The following DIAPH2 variants were observed in gnomAD, a reference collection of about 807,000 sequenced individuals.
The protein encoded by DIAPH2 is diaphanous related formin 2.
Under a neutral mutation model 92.7 loss-of-function variants are expected in DIAPH2, and 35 were observed. The observed-to-expected ratio is 0.38, with a 90% CI of 0.29 to 0.50. The LOEUF is 0.50. Ranked by LOEUF, DIAPH2 falls within the 20% of genes least tolerant of loss-of-function variation. The probability of loss-of-function intolerance (pLI) is 0.94; values close to 1 mark genes in which losing one functional copy is unlikely to be tolerated. For missense variants in DIAPH2, 701 were observed against 819.5 expected (o/e 0.86, Z 1.77); for synonymous variants, 301 against 280.4 (o/e 1.07, Z -0.73).
chrX:97,358,762 G>GA (rs963094848), intron 24 of DIAPH2, among the ~76,000 whole-genome samples: 1 of 109,716 alleles, frequency 9.1e-6, no homozygotes, highest in Non-Finnish European at 1.9e-5. Context: ...ATACCAAAAA[G>GA]AAAAAAAACT....
chrX:97,425,826 A>ATGTG lies in DIAPH2; in HGVS notation c.3146-3808_3146-3805dup, dbSNP rs34389353. 4.6e-3 allele frequency among the ~76,000 whole-genome samples: 476 copies of ATGTG among 103,572 alleles called. 2 individuals are homozygous for ATGTG. The highest frequency in any genetic ancestry group is 0.035 in the South Asian group (78 of 2,245). 89.9% of individuals were successfully genotyped at this position (103,572 alleles called of 115,157 possible). A position where few individuals can be genotyped will look rare whatever the true frequency, so the allele number is the denominator to read the frequency against. ...ATACTGGGTGTGTGTGTGTATGTAT[A>ATGTG]TGTGTGTGTGTGTGTGTGTATAATT... On this transcript the variant is annotated intron_variant, in intron 25 of 26. Transcript: ENST00000324765.
At chrX:97,035,374 G>A (rs1275445422) in intron 17 of DIAPH2, among the ~76,000 whole-genome samples, 1 of 111,932 alleles carries the variant, frequency 8.9e-6, no homozygotes, top group East Asian at 2.8e-4. Flanking sequence ...TTTTGATTCT[G>A]CAAAGTCTCA....
Position 96,736,038 on chromosome X carries a change from T to G in DIAPH2, c.165+248T>G, listed in dbSNP as rs6620143. Among the ~76,000 whole-genome samples the G allele has an allele frequency of 0.14, 15,314 of 111,221 alleles. 872 individuals carry two copies. The highest frequency in any genetic ancestry group is 0.32 in the East Asian group (1,112 of 3,497). ...CTTAACCAAATGTTTTTTAAAATCT[T>G]GTGAATCTAGACTCTGGAAAACACA... On this transcript the variant is annotated intron_variant, in intron 2 of 26. Transcript: ENST00000324765.
At chrX:96,850,946 G>T (rs1221976578) in intron 4 of DIAPH2, among the ~76,000 whole-genome samples, 1 of 111,981 alleles carries the variant, frequency 8.9e-6, no homozygotes, top group Non-Finnish European at 1.9e-5. Flanking sequence ...TGGCAATGGA[G>T]TAAAGATTTT....
At chrX:97,333,176 T>C (rs2069016438) in intron 23 of DIAPH2, among the ~76,000 whole-genome samples, 1 of 111,914 alleles carries the variant, frequency 8.9e-6, no homozygotes, top group East Asian at 2.8e-4. Context: ...GTTAAAGTAC[T>C]GTCCTGATCT....
intron 22 of DIAPH2, among the ~76,000 whole-genome samples, chrX:97,167,918 A>G (rs189719694): frequency 6.6e-4 from 73 of 111,161 alleles, no homozygotes; most frequent in Non-Finnish European, 5.3e-4. Context: ...TGGGTTGTTT[A>G]TCCTCTTTAA....
At chrX:97,552,388 A>G (rs754494554) in intron 26 of DIAPH2, among the ~76,000 whole-genome samples, 2 of 111,847 alleles carry the variant, frequency 1.8e-5, no homozygotes, top group South Asian at 7.5e-4. Flanking sequence ...TACAGCTTCA[A>G]TTAAGTACTG....
chrX:97,329,858 A>G (rs1265951287), intron 23 of DIAPH2, among the ~76,000 whole-genome samples: 39 of 102,710 alleles, frequency 3.8e-4, no homozygotes, highest in African/African-American at 1.3e-3. Flanking sequence ...GGGCACATCT[A>G]TTGGCATTTT....
chrX:96,810,944 A>G (rs2064674738), intron 4 of DIAPH2, among the ~76,000 whole-genome samples: 1 of 111,813 alleles, frequency 8.9e-6, no homozygotes, highest in African/African-American at 3.3e-5. Flanking sequence ...GTTTGAAGTC[A>G]GGTAGTGTGA....
chrX:97,219,049 G>A (rs1251859583), intron 22 of DIAPH2, among the ~76,000 whole-genome samples: 4 of 111,482 alleles, frequency 3.6e-5, no homozygotes, highest in Admixed American at 1.9e-4. Flanking sequence ...CTGGTAGAGA[G>A]TCTTTAGAGA....
intron 1 of DIAPH2, among the ~76,000 whole-genome samples, chrX:96,734,960 A>G (rs2064077533): frequency 9.0e-6 from 1 of 111,316 alleles, no homozygotes; most frequent in Non-Finnish European, 1.9e-5. Flanking sequence ...CTAACAGACA[A>G]TTAAAAAAAA....
chrX:96,962,089 A>G (rs1344135002), intron 16 of DIAPH2, among the ~76,000 whole-genome samples: 1 of 106,505 alleles, frequency 9.4e-6, no homozygotes, highest in Non-Finnish European at 1.9e-5. Context: ...TTTTCTGCCT[A>G]GATGATCTGT....
intron 26 of DIAPH2, among the ~76,000 whole-genome samples, chrX:97,457,552 T>C (rs2070418336): frequency 8.9e-6 from 1 of 111,869 alleles, no homozygotes; most frequent in African/African-American, 3.3e-5. Context: ...AGTGATCGTT[T>C]CAGTGTCTCT....
chrX:96,834,689 A>G (rs1009055715), intron 4 of DIAPH2, among the ~76,000 whole-genome samples: 3 of 111,736 alleles, frequency 2.7e-5, no homozygotes, highest in Non-Finnish European at 3.8e-5. Context: ...GTAAATCTAT[A>G]TCATATATAG....
intron 23 of DIAPH2, among the ~76,000 whole-genome samples, chrX:97,251,084 T>C (rs1034984906): frequency 1.9e-4 from 21 of 111,896 alleles, no homozygotes; most frequent in African/African-American, 6.8e-4. Flanking sequence ...TTGTTCTGAC[T>C]CAGAAAAAAT....
At chrX:97,549,612 A>G (rs950875243) in intron 26 of DIAPH2, among the ~76,000 whole-genome samples, 1 of 111,661 alleles carries the variant, frequency 9.0e-6, no homozygotes, top group Non-Finnish European at 1.9e-5. Flanking sequence ...ACATTGGTAA[A>G]TCAACATTGA....
chrX:97,417,717 G>A (rs1026825035), intron 25 of DIAPH2, among the ~76,000 whole-genome samples: 6 of 110,243 alleles, frequency 5.4e-5, no homozygotes, highest in African/African-American at 9.9e-5. Context: ...AAGTTCCGGC[G>A]TAAAAAATAG....
At chrX:97,145,778 C>T (rs896289685) in intron 22 of DIAPH2, among the ~76,000 whole-genome samples, 1 of 110,495 alleles carries the variant, frequency 9.1e-6, no homozygotes, top group Non-Finnish European at 1.9e-5. Flanking sequence ...AAAGATCTTA[C>T]GCACATTCTG....
intron 20 of DIAPH2, among the ~76,000 whole-genome samples, chrX:97,113,834 A>G (rs935601630): frequency 8.9e-6 from 1 of 111,933 alleles, no homozygotes; most frequent in African/African-American, 3.2e-5. Flanking sequence ...AGGAATGTTA[A>G]TAATTTATTT....
Sources: gnomAD v4.1 joint callset for allele counts (sites outside exome capture counted in the v4.1 genomes callset) on GRCh38, gnomAD v4.1.1 for gene constraint, MANE v1.5 for transcripts, NCBI Gene and HGNC (gene_info 2026-07-23, HGNC 2026-07-21) for gene names.